The following ATL3 variants were observed in gnomAD, a reference collection of about 807,000 sequenced individuals.
The protein encoded by ATL3 is atlastin-3.
Under a neutral mutation model 69.5 loss-of-function variants are expected in ATL3, and 49 were observed. The ratio of observed to expected loss-of-function variants is 0.71; its 90% CI spans 0.56 to 0.89. The LOEUF (loss-of-function observed/expected upper bound fraction) is 0.89. Among genes scored for constraint, ATL3 ranks in the 40% least tolerant of loss-of-function variants. The probability of loss-of-function intolerance (pLI) is 0.00; values close to 1 mark genes in which losing one functional copy is unlikely to be tolerated. For missense variants in ATL3, 606 were observed against 645.7 expected (o/e 0.94, Z 0.67); for synonymous variants, 214 against 224.1 (o/e 0.95, Z 0.40).
intron 5 of ATL3, among the ~76,000 whole-genome samples, chr11:63,648,979 G>C (rs1241550885): frequency 6.6e-6 from 1 of 151,966 alleles, no homozygotes; most frequent in Non-Finnish European, 1.5e-5. Context: ...AAATTAGCCG[G>C]GTGTGGTGGC....
chr11:63,671,168 C>G, intron 1 of ATL3, 122 bp downstream of exon 1: 2 of 1,409,604 alleles, frequency 1.4e-6, no homozygotes, highest in Non-Finnish European at 1.9e-6. Context: ...CGGCGAGGGA[C>G]GCGCGGTCCC....
rs367771556 is a variant in ATL3 at position 63,665,271 on chromosome 11, G to A, written c.46+6019C>T. Among the ~76,000 whole-genome samples the A allele has an allele frequency of 1.7e-3, 263 of 151,988 alleles. 2 individuals carry two copies. The highest frequency in any genetic ancestry group is 0.017 in the Middle Eastern group (5 of 294). On this transcript the variant is annotated intron_variant, in intron 1 of 12. Coordinates refer to ENST00000398868, the MANE Select transcript of ATL3 (RefSeq NM_015459.5). The stretch of plus-strand genomic sequence containing the variant: ...GAGGCAGGAGAATCGCTTGAACCCC[G>A]GGAGGCGGAGGTTGCGGTGAGCTGA...
chr11:63,663,190 C>T (rs1370023480), intron 1 of ATL3, among the ~76,000 whole-genome samples: 2 of 152,004 alleles, frequency 1.3e-5, no homozygotes, highest in Admixed American at 6.6e-5. Flanking sequence ...GCAATCCTAG[C>T]TTACTGCAGC....
At chr11:63,669,728 C>T (rs1349986842) in intron 1 of ATL3, among the ~76,000 whole-genome samples, 5 of 151,918 alleles carry the variant, frequency 3.3e-5, no homozygotes, top group Non-Finnish European at 5.9e-5. Flanking sequence ...GGGTGGTTCA[C>T]CTGAGGTCAG....
In ATL3 at chr11:63,644,764, C is replaced by T. The variant is rs565512507; in HGVS notation, c.619-503G>A. Among the ~76,000 whole-genome samples, 20 of 152,126 alleles carry T rather than the reference C, an allele frequency of 1.3e-4. No individual in the cohort carries two copies. The South Asian group carries it at 4.1e-3, about 32-fold the overall frequency. On this transcript the variant is annotated intron_variant, in intron 6 of 12. Transcript: ENST00000398868. ...GACATGTTTAAGCCAAATATGAGGT[C>T]AATATATCCTATCTGCTATTTTTGT... is the stretch of plus-strand genomic sequence containing the variant.
rs1210212016 is a variant in ATL3, at chr11:63,643,422, C to A, written c.785G>T (p.Cys262Phe). The stretch of plus-strand genomic sequence containing the variant: ...GAGTCCTGGATGTGGTAAGAGAAAG[C>A]AGGTGACATCGGAGAAACATGAGTG... Reference protein sequence around the residue: ...HIHSCFSDVTCFLLPHPGLQV... With the variant: ...HIHSCFSDVTFFLLPHPGLQV... The change falls in exon 8 of 13, where the codon TGC (cysteine) becomes TTC (phenylalanine). Residue 262 changes from cysteine to phenylalanine, a missense_variant. Physicochemically the swap from Cys to Phe is radical, Grantham distance 205. Transcript: ENST00000398868. 3.1e-6 allele frequency: 5 copies of A among 1,612,270 alleles called. No individual in the cohort carries two copies. Among genetic ancestry groups the A allele is most frequent in the African/African-American group, 1.3e-5 (1 of 74,896 alleles).
At chr11:63,632,673 T>A (rs1025627546) in intron 11 of ATL3, 3 of 1,205,952 alleles carry the variant, frequency 2.5e-6, no homozygotes, top group Non-Finnish European at 3.7e-6. Flanking sequence ...TCTGAGTGAT[T>A]TTGGATTTTT....
chr11:63,665,362 AAG>A (rs1940545080), intron 1 of ATL3, among the ~76,000 whole-genome samples: 1 of 151,664 alleles, frequency 6.6e-6, no homozygotes, highest in African/African-American at 2.4e-5. Context: ...AAAAAAAAAA[AAG>A]AAGAATGTAT....
rs1939074756 is a variant in ATL3, at chr11:63,625,440, TAA to T, written c.*3877_*3878del. Reference sequence around the variant, plus strand: ...AGCAAAAAATTAAAAACTGTTTTATTAAAGTTTTAATTTTTAAAAAATTAAAA... The same window carrying T: ...AGCAAAAAATTAAAAACTGTTTTATTAGTTTTAATTTTTAAAAAATTAAAA... On this transcript the variant is annotated 3_prime_UTR_variant, in exon 13 of 13. Coordinates refer to ENST00000398868, the MANE Select transcript of ATL3 (RefSeq NM_015459.5). 6.6e-6 allele frequency: 1 copy of T among 152,238 alleles called. No homozygotes were observed. The highest frequency in any genetic ancestry group is 2.4e-5 in the African/African-American group (1 of 41,472). The allele number at this position is 152,238 out of a possible 1,614,324, so 9.4% of individuals were successfully genotyped here. A position where few individuals can be genotyped will look rare whatever the true frequency, so the allele number is the denominator to read the frequency against.
chr11:63,652,728 A>AC (rs1940119248), intron 3 of ATL3, among the ~76,000 whole-genome samples, 153 bp from the exon 4 acceptor site: 2 of 152,220 alleles, frequency 1.3e-5, no homozygotes, highest in African/African-American at 4.8e-5. Flanking sequence ...ACAACTATTT[A>AC]GGTGCTTTGC....
chr11:63,629,404 G>A lies in ATL3; in HGVS notation c.1541C>T (p.Ala514Val), dbSNP rs1426322781. The A allele has an allele frequency of 1.2e-6, 2 of 1,613,444 alleles. No individual in the cohort carries two copies. Among genetic ancestry groups the A allele is most frequent in the Non-Finnish European group, 1.7e-6 (2 of 1,179,480 alleles). ...DFGAAYVLEQ[A>V]SSHIGNSTQA... ...AGTGGAATTACCGATATGAGAAGAA[G>A]CCTGCAAAAGTCCATTTATTCAACA... The change falls in exon 13 of 13, where the codon GCT (alanine) becomes GTT (valine). Residue 514 changes from alanine (A) to valine (V), a missense_variant and splice_region_variant. Coordinates refer to ENST00000398868, the MANE Select transcript of ATL3 (RefSeq NM_015459.5).
intron 8 of ATL3, among the ~76,000 whole-genome samples, chr11:63,642,717 G>T (rs565035553): frequency 6.6e-6 from 1 of 152,308 alleles, no homozygotes; most frequent in East Asian, 1.9e-4. Context: ...ATTACTGGGA[G>T]CATAAATATC....
intron 12 of ATL3, among the ~76,000 whole-genome samples, chr11:63,629,831 A>AGCC (rs1171701036): frequency 3.3e-5 from 5 of 151,870 alleles, no homozygotes; most frequent in Non-Finnish European, 7.4e-5. Context: ...TTAAGTTACA[A>AGCC]TGAGCTAAGA....
At chr11:63,667,481 G>A (rs1241397429) in intron 1 of ATL3, among the ~76,000 whole-genome samples, 1 of 152,044 alleles carries the variant, frequency 6.6e-6, no homozygotes, top group Non-Finnish European at 1.5e-5. Context: ...TGAGAAGTGG[G>A]CCGGGTGCAA....
At position 63,637,871 on chromosome 11, in the gene ATL3, A is replaced by G. The variant is rs532092109; in HGVS notation, c.851-1537T>C. 2.6e-4 allele frequency: 40 copies of G among 152,362 alleles called. 1 individual carries two copies. Among genetic ancestry groups the G allele is most frequent in the Non-Finnish European group, 5.0e-4 (34 of 68,026 alleles). The allele number at this position is 152,362 out of a possible 1,614,324, so 9.4% of individuals were successfully genotyped here. A position where few individuals can be genotyped will look rare whatever the true frequency, so the allele number is the denominator to read the frequency against. ...GCAGTGAAAAAGTATAAAAGTATAC[A>G]TAACAGGCCATTCTGTACACATTCA... On this transcript the variant is annotated intron_variant, in intron 8 of 12. Transcript: ENST00000398868.
chr11:63,645,911 GCACCCACCACC>G (rs1565275648), intron 6 of ATL3, among the ~76,000 whole-genome samples: 2 of 151,938 alleles, frequency 1.3e-5, no homozygotes, highest in Admixed American at 6.6e-5. Flanking sequence ...AAGATTACAG[GCACCCACCACC>G]ACGCCCAGCT....
rs1165778339 is a variant in ATL3 at position 63,652,482 on chromosome 11, T to C, written c.499A>G (p.Ser167Gly). Reference protein sequence around the residue: ...ATIFALSTMTSSVQIYNLSQN... With the variant: ...ATIFALSTMTGSVQIYNLSQN... ...CAAGTGGTTTTTACCTGAACAGAAC[T>C]AGTCATAGTGCTTAGAGCAAAGATG... Residue 167 changes from serine (S) to glycine (G), a missense_variant, in exon 4 of 13, where the codon AGT becomes GGT. By Grantham distance (56) the Ser-to-Gly change is moderately conservative. Coordinates refer to ENST00000398868, the MANE Select transcript of ATL3 (RefSeq NM_015459.5). The C allele has an allele frequency of 3.1e-6, 5 of 1,598,494 alleles. No individual in the cohort carries two copies. The African/African-American group carries it at 6.7e-5, about 21-fold the overall frequency.
intron 8 of ATL3, 67 bp downstream of exon 8, chr11:63,643,290 G>GT: frequency 1.6e-5 from 23 of 1,450,044 alleles, no homozygotes; most frequent in Non-Finnish European, 2.1e-5. Context: ...CACTTGATTT[G>GT]TAAGTGATTC....
chr11:63,636,974 T>C (rs1207985968), intron 8 of ATL3, among the ~76,000 whole-genome samples: 1 of 152,040 alleles, frequency 6.6e-6, no homozygotes, highest in African/African-American at 2.4e-5. Flanking sequence ...TTTCAAGAAA[T>C]TTCACTTTTT....
Sources: allele counts gnomAD v4.1 joint callset (sites outside exome capture counted in the v4.1 genomes callset), GRCh38; gene constraint gnomAD v4.1.1; transcripts MANE v1.5; gene names NCBI Gene and HGNC (gene_info 2026-07-23, HGNC 2026-07-21).